ZFPM1: variants seen among roughly 807,000 people sequenced by gnomAD.
ZFPM1 encodes the protein zinc finger protein, FOG family member 1.
A neutral mutation model predicts 46.3 loss-of-function variants in ZFPM1; 28 were observed. The observed-to-expected ratio is 0.60, with a 90% confidence interval of 0.45 to 0.83. The LOEUF (loss-of-function observed/expected upper bound fraction) is 0.83. ZFPM1 is among the 40% of genes least tolerant of loss of function. ZFPM1 has a pLI of 0.00. For missense variants in ZFPM1, 1,878 were observed against 1,432.4 expected (o/e 1.31, Z -5.02); for synonymous variants, 957 against 675.9 (o/e 1.42, Z -6.45).
intron 3 of ZFPM1, among the ~76,000 whole-genome samples, chr16:88,489,973 A>T (rs971882072): frequency 6.6e-6 from 1 of 151,866 alleles, no homozygotes; most frequent in Non-Finnish European, 1.5e-5. Flanking sequence ...TGGGGGTCGC[A>T]AGGTCCCCCG....
intron 3 of ZFPM1, among the ~76,000 whole-genome samples, chr16:88,509,667 C>T (rs1168623549): frequency 1.3e-5 from 2 of 152,040 alleles, no homozygotes; most frequent in Non-Finnish European, 2.9e-5. Flanking sequence ...GGTGGAGAAA[C>T]AGGCCCAGGG....
chr16:88,455,974 C>T (rs557058853), intron 1 of ZFPM1, among the ~76,000 whole-genome samples: 7 of 152,302 alleles, frequency 4.6e-5, no homozygotes, highest in African/African-American at 1.7e-4. Context: ...TGGCGATCGC[C>T]AAGAGCGATA....
upstream of ZFPM1, among the ~76,000 whole-genome samples, chr16:88,452,433 G>A (rs1418240692): frequency 6.6e-6 from 1 of 152,224 alleles, no homozygotes; most frequent in Non-Finnish European, 1.5e-5. Context: ...GAGGCTCGGT[G>A]AGGAAAGAGG....
Position 88,533,735 on chromosome 16 carries a change from T to C in ZFPM1, c.1777T>C (p.Tyr593His). The stretch of plus-strand genomic sequence containing the variant: ...CACCTTCAGCAACGTCAACAACTAC[T>C]ACGTGCACAAGCGCCTCTACTGTTC... ...EITFSNVNNYYVHKRLYCSGR... is the reference protein window; with the variant it reads ...EITFSNVNNYHVHKRLYCSGR... The change falls in exon 10 of 10, where the codon TAC becomes CAC. Residue 593 changes from tyrosine (Y) to histidine (H), a missense_variant. Tyr to His is a moderately conservative substitution (Grantham distance 83). Coordinates refer to ENST00000319555, the MANE Select transcript of ZFPM1 (RefSeq NM_153813.3). 1 of 1,494,734 alleles carries C rather than the reference T, an allele frequency of 6.7e-7. No individual in the cohort carries two copies. The highest frequency in any genetic ancestry group is 9.0e-7 in the Non-Finnish European group (1 of 1,114,806). The allele number at this position is 1,494,734 out of a possible 1,614,324, so 92.6% of individuals were successfully genotyped here.
At chr16:88,495,291 C>T (rs1909872308) in intron 3 of ZFPM1, among the ~76,000 whole-genome samples, 2 of 152,194 alleles carry the variant, frequency 1.3e-5, no homozygotes, top group African/African-American at 4.8e-5. Context: ...AGGAAAAGGC[C>T]GAAGAGCGTG....
intron 3 of ZFPM1, among the ~76,000 whole-genome samples, chr16:88,508,025 G>A (rs1046973609): frequency 6.6e-6 from 1 of 152,224 alleles, no homozygotes; most frequent in Non-Finnish European, 1.5e-5. Flanking sequence ...GGCCGGGCAC[G>A]GTGGCTCACA....
intron 3 of ZFPM1, among the ~76,000 whole-genome samples, chr16:88,494,375 A>T (rs1449576637): frequency 6.6e-6 from 1 of 152,012 alleles, no homozygotes; most frequent in African/African-American, 2.4e-5. Flanking sequence ...GGAGGCTTCC[A>T]GGTGGAAGCC....
intron 6 of ZFPM1, 89 bp from the exon 7 acceptor site, chr16:88,531,913 G>C: frequency 2.2e-6 from 3 of 1,333,824 alleles, no homozygotes; most frequent in East Asian, 2.4e-5. Context: ...GGTGGGGTCC[G>C]TCACGGCCAG....
Position 88,501,279 on chromosome 16 carries a change from G to C in ZFPM1, c.268+12126G>C, listed in dbSNP as rs1468064581. Among the ~76,000 whole-genome samples, 4 of 129,488 alleles carry C rather than the reference G, an allele frequency of 3.1e-5. 1 individual carries two copies. The East Asian group carries it at 1.0e-3, about 32-fold the overall frequency. 84.9% of individuals were successfully genotyped at this position (129,488 alleles called of 152,430 possible). A position where few individuals can be genotyped will look rare whatever the true frequency, so the allele number is the denominator to read the frequency against. On this transcript the variant is annotated intron_variant, in intron 3 of 9. Transcript: ENST00000319555. ...GGTGATGATGGAGATAGTGGGCCTGGGTGCGGGGGCCCTCCCGCAGGTGCT... is the reference window on the plus strand; with the variant it reads ...GGTGATGATGGAGATAGTGGGCCTGCGTGCGGGGGCCCTCCCGCAGGTGCT...
chr16:88,477,390 TG>T (rs144331491), intron 1 of ZFPM1, among the ~76,000 whole-genome samples: 2,747 of 152,360 alleles, frequency 0.018, 74 homozygotes, highest in African/African-American at 0.061. Flanking sequence ...TGCCTGAGAC[TG>T]GGCCAGGTGG....
chr16:88,535,050 G>A lies in ZFPM1; in HGVS notation c.*71G>A, dbSNP rs1247842838. 6 of 1,340,686 alleles carry A rather than the reference G, an allele frequency of 4.5e-6. No individual in the cohort carries two copies. Among genetic ancestry groups the A allele is most frequent in the South Asian group, 1.9e-5 (1 of 51,320 alleles). 83.0% of individuals were successfully genotyped at this position (1,340,686 alleles called of 1,614,324 possible). On this transcript the variant is annotated 3_prime_UTR_variant, in exon 10 of 10. Transcript: ENST00000319555. The stretch of plus-strand genomic sequence containing the variant: ...GCGGGGAGGGGGCCGCCCCCAGGCC[G>A]CACGGACTGCCGCTCCTGGGAACCC...
chr16:88,504,132 A>AG (rs1910525893), intron 3 of ZFPM1, among the ~76,000 whole-genome samples: 1 of 152,030 alleles, frequency 6.6e-6, no homozygotes, highest in South Asian at 2.1e-4. Context: ...CAGAGTCCCC[A>AG]GGGGGCAAAT....
intron 4 of ZFPM1, among the ~76,000 whole-genome samples, chr16:88,514,771 G>A (rs185864978): frequency 1.3e-5 from 2 of 152,208 alleles, no homozygotes; most frequent in Non-Finnish European, 2.9e-5. Flanking sequence ...CTTTAAGCAG[G>A]ACCTTGACAG....
At chr16:88,520,575 T>TGGGG (rs1911771094) in intron 4 of ZFPM1, among the ~76,000 whole-genome samples, 1 of 71,704 alleles carries the variant, frequency 1.4e-5, no homozygotes, top group East Asian at 6.9e-4. Flanking sequence ...GATGGATGGA[T>TGGGG]GGATGGATGG....
intron 1 of ZFPM1, among the ~76,000 whole-genome samples, chr16:88,458,365 A>T (rs1292306937): frequency 2.0e-5 from 3 of 152,186 alleles, no homozygotes; most frequent in Non-Finnish European, 4.4e-5. Context: ...TGGGAGGCTC[A>T]TCCGGGCCTT....
rs202176909 is a variant in ZFPM1 at position 88,532,144 on chromosome 16, C to T, written c.855C>T (p.Thr285=). 7.1e-5 allele frequency: 115 copies of T among 1,612,660 alleles called. 1 individual carries two copies. The Admixed American group carries it at 1.1e-3, about 16-fold the overall frequency. Reference sequence around the variant, plus strand: ...CCACAGACGAGAAGCCCAAAGAGACCTACCCCAACGAGCGCGTCTGCCCCT... The same window carrying T: ...CCACAGACGAGAAGCCCAAAGAGACTTACCCCAACGAGCGCGTCTGCCCCT... ...AAATDEKPKE[T]YPNERVCPFP... The change falls in exon 7 of 10, where the codon ACC becomes ACT. Residue 285 remains threonine (T), a synonymous_variant. Coordinates refer to ENST00000319555, the MANE Select transcript of ZFPM1 (RefSeq NM_153813.3).
chr16:88,489,285 C>A, intron 3 of ZFPM1, 132 bp downstream of exon 3: 1 of 1,374,560 alleles, frequency 7.3e-7, no homozygotes. Context: ...AGGCCTGTGC[C>A]TAGTCCAAAG....
Position 88,534,958 on chromosome 16 carries a change from C to T in ZFPM1, c.3000C>T (p.His1000=). Residue 1000 remains histidine (H), a synonymous_variant, in exon 10 of 10, where the codon CAC becomes CAT. Coordinates refer to ENST00000319555, the MANE Select transcript of ZFPM1 (RefSeq NM_153813.3). The stretch of plus-strand genomic sequence containing the variant: ...ACAAGAAGTATTACTGCTCCTCGCA[C>T]GCCGCCGAGCACGTGAAGTGAGCGC... ...IAHKKYYCSS[H]AAEHVK 2 of 1,481,436 alleles carry T rather than the reference C, an allele frequency of 1.4e-6. No homozygotes were observed. Among genetic ancestry groups the T allele is most frequent in the East Asian group, 2.7e-5 (1 of 36,768 alleles). The allele number at this position is 1,481,436 out of a possible 1,614,324, so 91.8% of individuals were successfully genotyped here.
chr16:88,471,915 C>T lies in ZFPM1; in HGVS notation c.41-14024C>T, dbSNP rs974671899. On this transcript the variant is annotated intron_variant, in intron 1 of 9. Coordinates refer to ENST00000319555, the MANE Select transcript of ZFPM1 (RefSeq NM_153813.3). This position sits in a 1 kb window ranked among gnomAD's most constrained non-coding sequence, Gnocchi z 4.1. The stretch of plus-strand genomic sequence containing the variant: ...TTATTCCTGAGGGGACCTGCAGGTC[C>T]GCAAGAGCCTTGGGTGGGCCGGGGC... 1.5e-4 allele frequency among the ~76,000 whole-genome samples: 23 copies of T among 152,336 alleles called. No individual in the cohort carries two copies. Among genetic ancestry groups the T allele is most frequent in the African/African-American group, 5.1e-4 (21 of 41,572 alleles).
Sources: allele counts gnomAD v4.1 joint callset (sites outside exome capture counted in the v4.1 genomes callset), GRCh38; gene constraint gnomAD v4.1.1; non-coding constraint Gnocchi (gnomAD v3.1); transcripts MANE v1.5; gene names NCBI Gene and HGNC (gene_info 2026-07-23, HGNC 2026-07-21).